FAM91A1: variants seen among roughly 807,000 people sequenced by gnomAD.
The protein encoded by FAM91A1 is family with sequence similarity 91 member A1.
FAM91A1 carries 41 observed loss-of-function variants against 113.5 expected under a neutral mutation model. The observed-to-expected ratio is 0.36, with a 90% CI of 0.28 to 0.47. The LOEUF is 0.47. Ranked by LOEUF, FAM91A1 falls within the 20% of genes least tolerant of loss-of-function variation. The pLI is 1.00. For synonymous variants in FAM91A1, 307 were observed against 347.9 expected, an observed-to-expected ratio of 0.88 and a Z score of 1.31; for missense variants, 696 against 1,001.2, an observed-to-expected ratio of 0.70 and a Z score of 4.11.
In FAM91A1 at chr8:123,787,314, A is replaced by G. The variant is rs146221062; in HGVS notation, c.1132A>G (p.Ile378Val). ...LSLSTGHTKR[I>V]AFLFDSTLTA... ...TCTGTCTACAGGACACACGAAGCGC[A>G]TCGCATTCCTGTTTGACTCCACTCT... is the stretch of plus-strand genomic sequence containing the variant. The change falls in exon 13 of 24, where the codon ATC (isoleucine) becomes GTC (valine). Residue 378 changes from isoleucine (I) to valine (V), a missense_variant. By Grantham distance (29) the Ile-to-Val change is conservative. Transcript: ENST00000334705. 1.4e-5 allele frequency: 23 copies of G among 1,611,854 alleles called. No individual in the cohort carries two copies. The East Asian group carries it at 2.2e-4, about 16-fold the overall frequency.
chr8:123,789,684 G>C lies in FAM91A1; in HGVS notation c.1350G>C (p.Leu450=). 1 of 1,612,924 alleles carries C rather than the reference G, an allele frequency of 6.2e-7. No homozygotes were observed. The highest frequency in any genetic ancestry group is 8.5e-7 in the Non-Finnish European group (1 of 1,179,816). The change falls in exon 15 of 24, where the codon CTG becomes CTC. Residue 450 remains leucine (L), a synonymous_variant. Transcript: ENST00000334705. ...CACTTACTCTGAGAAACACAATACTGTTTCTGCGTCATAACAAAGATCTAG... is the reference window on the plus strand; with the variant it reads ...CACTTACTCTGAGAAACACAATACTCTTTCTGCGTCATAACAAAGATCTAG... The part of the protein sequence containing the change: ...DHALTLRNTI[L]FLRHNKDLVA...
chr8:123,796,246 A>G (rs1815517612), intron 15 of FAM91A1, among the ~76,000 whole-genome samples: 2 of 152,184 alleles, frequency 1.3e-5, no homozygotes. Context: ...AGAGAACTCT[A>G]ATAGAACCTC....
chr8:123,801,278 G>T (rs1389979483), intron 18 of FAM91A1, among the ~76,000 whole-genome samples: 1 of 152,176 alleles, frequency 6.6e-6, no homozygotes, highest in African/African-American at 2.4e-5. Context: ...ATTGGGCTGT[G>T]TGACATTTTC....
chr8:123,779,513 A>G (rs559949677), intron 6 of FAM91A1, among the ~76,000 whole-genome samples: 1 of 152,288 alleles, frequency 6.6e-6, no homozygotes, highest in Non-Finnish European at 1.5e-5. Flanking sequence ...TTTGGTCTGC[A>G]TTTAATTTTC....
intron 22 of FAM91A1, 135 bp downstream of exon 22, chr8:123,809,151 G>T (rs929093540): frequency 2.4e-6 from 3 of 1,260,744 alleles, no homozygotes; most frequent in Admixed American, 5.8e-5. Context: ...AATAGAGATC[G>T]CTAGTTTAAG....
Position 123,808,922 on chromosome 8 carries a change from C to G in FAM91A1, c.2167C>G (p.Leu723Val), listed in dbSNP as rs1364489552. ...CACAACAGAAGCAGATTGGGTTCCTCTCGAGCTGTGCTTTGGAATTCCACT... is the reference window on the plus strand; with the variant it reads ...CACAACAGAAGCAGATTGGGTTCCTGTCGAGCTGTGCTTTGGAATTCCACT... ...GATTEADWVP[L>V]ELCFGIPLFS... is the part of the protein sequence containing the mutation. The change falls in exon 22 of 24, where the codon CTC (leucine) becomes GTC (valine). Residue 723 changes from leucine (L) to valine (V), a missense_variant. Physicochemically the swap from Leu to Val is conservative, Grantham distance 32. Coordinates refer to ENST00000334705, the MANE Select transcript of FAM91A1 (RefSeq NM_144963.4). 6.2e-7 allele frequency: 1 copy of G among 1,611,800 alleles called. No homozygotes were observed. Among genetic ancestry groups the G allele is most frequent in the South Asian group, 1.1e-5 (1 of 90,958 alleles).
intron 1 of FAM91A1, 84 bp downstream of exon 1, chr8:123,768,858 C>T (rs113938868): frequency 3.6e-6 from 5 of 1,377,222 alleles, no homozygotes; most frequent in Non-Finnish European, 3.0e-6. Context: ...GGGGCCCGAG[C>T]GGGCTGCTGC....
chr8:123,782,561 C>T (rs1586375005), intron 8 of FAM91A1, among the ~76,000 whole-genome samples: 1 of 152,072 alleles, frequency 6.6e-6, no homozygotes, highest in South Asian at 2.1e-4. Context: ...TTTTGTGTGT[C>T]TTTTATAGCT....
Position 123,798,074 on chromosome 8 carries a change from C to A in FAM91A1, c.1412-16C>A, listed in dbSNP as rs1472082690. The stretch of plus-strand genomic sequence containing the variant: ...CTCAGTCTTTTATTCTGTGTGTGTG[C>A]TTGATCATAACTCAGGTTTTCCTCT... On this transcript the variant is annotated splice_polypyrimidine_tract_variant and intron_variant, in intron 15 of 23. Transcript: ENST00000334705. The A allele has an allele frequency of 6.2e-7, 1 of 1,605,756 alleles. No individual in the cohort carries two copies. Among genetic ancestry groups the A allele is most frequent in the Non-Finnish European group, 8.5e-7 (1 of 1,176,064 alleles).
chr8:123,777,308 T>A lies in FAM91A1; in HGVS notation c.353T>A (p.Phe118Tyr). ...AAAAGTTATGATTCATTGCCCAATT[T>A]TACTGCTGCTGACTGTAAGTATTTA... The part of the protein sequence containing the change: ...SEKSYDSLPN[F>Y]TAADCLRLLG... The change falls in exon 4 of 24, where the codon TTT (phenylalanine) becomes TAT (tyrosine). Residue 118 changes from phenylalanine to tyrosine, a missense_variant. Transcript: ENST00000334705. 6.2e-7 allele frequency: 1 copy of A among 1,612,392 alleles called. No homozygotes were observed. Among genetic ancestry groups the A allele is most frequent in the Non-Finnish European group, 8.5e-7 (1 of 1,179,234 alleles).
At chr8:123,790,700 T>G (rs1251816652) in intron 15 of FAM91A1, among the ~76,000 whole-genome samples, 1 of 152,208 alleles carries the variant, frequency 6.6e-6, no homozygotes, top group Non-Finnish European at 1.5e-5. Context: ...TAACAAGCTG[T>G]CACATAGGTG....
At chr8:123,800,472 G>A (rs1226948118) in intron 18 of FAM91A1, among the ~76,000 whole-genome samples, 1 of 152,048 alleles carries the variant, frequency 6.6e-6, no homozygotes, top group Non-Finnish European at 1.5e-5. Flanking sequence ...ACCATGGAAA[G>A]CAAAACCTCA....
rs1563645823 is a variant in FAM91A1 at position 123,798,250 on chromosome 8, C to T, written c.1560+12C>T. 6.2e-7 allele frequency: 1 copy of T among 1,612,646 alleles called. No homozygotes were observed. The highest frequency in any genetic ancestry group is 8.5e-7 in the Non-Finnish European group (1 of 1,179,356). ...GCTGCACCCCTCAGGTAAAGACCTA[C>T]TTGGAAGATCCACTTGGTAGTGTCA... is the stretch of plus-strand genomic sequence containing the variant. On this transcript the variant is annotated intron_variant, in intron 16 of 23. Transcript: ENST00000334705.
At chr8:123,794,306 G>A (rs1168880414) in intron 15 of FAM91A1, among the ~76,000 whole-genome samples, 3 of 152,160 alleles carry the variant, frequency 2.0e-5, no homozygotes, top group Non-Finnish European at 2.9e-5. Flanking sequence ...CATAGGTCAT[G>A]TATGCATAAA....
intron 15 of FAM91A1, among the ~76,000 whole-genome samples, chr8:123,793,189 C>A (rs961906767): frequency 3.9e-5 from 6 of 152,166 alleles, no homozygotes; most frequent in Non-Finnish European, 7.3e-5. Flanking sequence ...ATTTTGATCA[C>A]CCAGTTAATG....
chr8:123,768,859 G>A (rs1347998637), intron 1 of FAM91A1, 85 bp downstream of exon 1: 4 of 1,376,228 alleles, frequency 2.9e-6, no homozygotes, highest in African/African-American at 1.4e-5. Context: ...GGGCCCGAGC[G>A]GGCTGCTGCC....
At position 123,775,285 on chromosome 8, in the gene FAM91A1, C is replaced by T. The variant is rs201580142; in HGVS notation, c.296C>T (p.Thr99Ile). The T allele has an allele frequency of 6.2e-7, 1 of 1,613,568 alleles. No homozygotes were observed. The change falls in exon 3 of 24, where the codon ACT becomes ATT. Residue 99 changes from threonine (T) to isoleucine (I), a missense_variant. Physicochemically the swap from Thr to Ile is moderately conservative, Grantham distance 89. Coordinates refer to ENST00000334705, the MANE Select transcript of FAM91A1 (RefSeq NM_144963.4). Reference sequence around the variant, plus strand: ...AGGATAACACCATTTTCATATTATACTGGGATTATGGAGGTGAGTTTACAG... The same window carrying T: ...AGGATAACACCATTTTCATATTATATTGGGATTATGGAGGTGAGTTTACAG... The part of the protein sequence containing the change: ...GLRITPFSYY[T>I]GIMEDIMNSE...
chr8:123,787,578 T>G, intron 13 of FAM91A1, 86 bp from the exon 14 acceptor site: 1 of 1,179,778 alleles, frequency 8.5e-7, no homozygotes, highest in Non-Finnish European at 1.2e-6. Flanking sequence ...TTTAAATATA[T>G]TTGAAAGGAT....
chr8:123,797,198 A>C (rs1019331723), intron 15 of FAM91A1, among the ~76,000 whole-genome samples: 2 of 152,190 alleles, frequency 1.3e-5, no homozygotes, highest in African/African-American at 4.8e-5. Context: ...GCCAGAAAAT[A>C]AATTGACATT....
Sources: gnomAD v4.1 joint callset for allele counts (sites outside exome capture counted in the v4.1 genomes callset) on GRCh38, gnomAD v4.1.1 for gene constraint, MANE v1.5 for transcripts, NCBI Gene and HGNC (gene_info 2026-07-23, HGNC 2026-07-21) for gene names.